Variants in MRGPRX1 observed in about 807,000 individuals in gnomAD.
MRGPRX1 encodes MAS related GPR family member X1, also known as mas-related G protein-coupled receptor member X1.
For synonymous variants in MRGPRX1, 208 were observed against 170.4 expected (o/e 1.22, Z -1.72); for missense variants, 411 against 393.8 (o/e 1.04, Z -0.37).
At chr11:18,936,816 GC>G (rs1172096137) in intron 1 of MRGPRX1, among the ~76,000 whole-genome samples, 2 of 151,506 alleles carry the variant, frequency 1.3e-5, no homozygotes, top group African/African-American at 4.8e-5. Context: ...TGAAGCCGAG[GC>G]CTAGAGAATT....
At position 18,934,956 on chromosome 11, in the gene MRGPRX1, C is replaced by G. The variant is rs538457505; in HGVS notation, c.-25-147G>C. 12 of 913,900 alleles carry G rather than the reference C, an allele frequency of 1.3e-5. No homozygotes were observed. The East Asian group carries it at 3.2e-4, about 24-fold the overall frequency. The allele number at this position is 913,900 out of a possible 1,614,324, so 56.6% of individuals were successfully genotyped here. A position where few individuals can be genotyped will look rare whatever the true frequency, so the allele number is the denominator to read the frequency against. On this transcript the variant is annotated intron_variant, in intron 1 of 1. Transcript: ENST00000526914. ...TCACCTATCAAAAGGTGGGGGTCCT[C>G]AAATCCAGTTTGAAATCCAGTTCTT...
At chr11:18,937,927 C>T (rs543520662) in intron 1 of MRGPRX1, among the ~76,000 whole-genome samples, 1 of 151,624 alleles carries the variant, frequency 6.6e-6, no homozygotes, top group East Asian at 1.9e-4. Context: ...TGAAATGAGA[C>T]AGGAATCAAT....
chr11:18,938,208 A>C (rs1848856014), intron 1 of MRGPRX1, among the ~76,000 whole-genome samples: 1 of 151,544 alleles, frequency 6.6e-6, no homozygotes, highest in Admixed American at 6.6e-5. Flanking sequence ...GTATTAGTTC[A>C]TTCTTGAATT....
At chr11:18,936,712 C>T (rs1374488641) in intron 1 of MRGPRX1, among the ~76,000 whole-genome samples, 1 of 151,510 alleles carries the variant, frequency 6.6e-6, no homozygotes, top group Admixed American at 6.6e-5. Flanking sequence ...TTCATAACGG[C>T]TAGTCATGCC....
At position 18,934,381 on chromosome 11, in the gene MRGPRX1, G is replaced by A. The variant is rs765623247; in HGVS notation, c.404C>T (p.Pro135Leu). The change falls in exon 2 of 2, where the codon CCC becomes CTC. Residue 135 changes from proline (P) to leucine (L), a missense_variant. Pro to Leu is a moderately conservative substitution (Grantham distance 98). Coordinates refer to ENST00000526914, the MANE Select transcript of MRGPRX1 (RefSeq NM_001393578.1). The part of the protein sequence containing the change: ...LWPIWYRCHR[P>L]THLSAVVCVL... ...ACACACCACCGCTGACAGGTGTGTGGGGCGGTGGCAGCGGTACCAGATGGG... is the reference window on the plus strand; with the variant it reads ...ACACACCACCGCTGACAGGTGTGTGAGGCGGTGGCAGCGGTACCAGATGGG... The A allele has an allele frequency of 5.0e-6, 8 of 1,610,872 alleles. No homozygotes were observed. The Admixed American group carries it at 1.0e-4, about 20-fold the overall frequency.
chr11:18,936,710 G>A (rs887437957), intron 1 of MRGPRX1, among the ~76,000 whole-genome samples: 3 of 151,496 alleles, frequency 2.0e-5, no homozygotes, highest in Admixed American at 6.6e-5. Context: ...GCTTCATAAC[G>A]GCTAGTCATG....
rs892152819 is a variant in MRGPRX1, at chr11:18,935,060, C to T, written c.-25-251G>A. 7.7e-6 allele frequency: 3 copies of T among 390,200 alleles called. No individual in the cohort carries two copies. The South Asian group carries it at 1.7e-4, about 23-fold the overall frequency. The allele number at this position is 390,200 out of a possible 1,614,324, so 24.2% of individuals were successfully genotyped here. A position where few individuals can be genotyped will look rare whatever the true frequency, so the allele number is the denominator to read the frequency against. On this transcript the variant is annotated intron_variant, in intron 1 of 1. Transcript: ENST00000526914. ...TGGGAATAACATTAGGATCAAAACA[C>T]CCCCACTCATCTAGCCAGGGCTGTG... is the stretch of plus-strand genomic sequence containing the variant.
At chr11:18,937,681 T>C (rs1247742543) in intron 1 of MRGPRX1, among the ~76,000 whole-genome samples, 1 of 151,538 alleles carries the variant, frequency 6.6e-6, no homozygotes, top group Non-Finnish European at 1.5e-5. Context: ...TGTGGGTTGT[T>C]GAATCTGCAG....
At chr11:18,937,892 G>T (rs76339516) in intron 1 of MRGPRX1, among the ~76,000 whole-genome samples, 2 of 151,548 alleles carry the variant, frequency 1.3e-5, no homozygotes, top group Non-Finnish European at 2.9e-5. Flanking sequence ...AAGACATGCC[G>T]AACATTAAAG....
chr11:18,938,665 C>T (rs191239220), intron 1 of MRGPRX1, among the ~76,000 whole-genome samples: 81 of 151,612 alleles, frequency 5.3e-4, no homozygotes, highest in Non-Finnish European at 8.8e-4. Flanking sequence ...CCTGCTGGAG[C>T]TCTACCACCC....
chr11:18,937,192 C>T lies in MRGPRX1; in HGVS notation c.-26+2088G>A, dbSNP rs12291842. 6.8e-3 allele frequency among the ~76,000 whole-genome samples: 1,036 copies of T among 151,412 alleles called. 25 individuals carry two copies. Among genetic ancestry groups the T allele is most frequent in the African/African-American group, 0.023 (948 of 41,290 alleles). On this transcript the variant is annotated intron_variant, in intron 1 of 1. Transcript: ENST00000526914. ...CTCACAGGACCAATAGCAGGAGCAA[C>T]GCATCTCCTTTCCTTATTTTTTTTC... is the stretch of plus-strand genomic sequence containing the variant.
chr11:18,935,940 G>T (rs1848837372), intron 1 of MRGPRX1, among the ~76,000 whole-genome samples: 1 of 151,490 alleles, frequency 6.6e-6, no homozygotes, highest in South Asian at 2.1e-4. Flanking sequence ...AGTATAAAGA[G>T]AGATATTCAT....
intron 1 of MRGPRX1, among the ~76,000 whole-genome samples, chr11:18,937,714 G>A (rs1848851986): frequency 6.6e-6 from 1 of 151,472 alleles, no homozygotes; most frequent in Non-Finnish European, 1.5e-5. Context: ...GTGACCCAGA[G>A]GCACCACTGT....
chr11:18,938,178 C>T (rs1848855800), intron 1 of MRGPRX1, among the ~76,000 whole-genome samples: 1 of 151,550 alleles, frequency 6.6e-6, no homozygotes. Context: ...GGGATTTCCA[C>T]CTCCTGGCTC....
intron 1 of MRGPRX1, among the ~76,000 whole-genome samples, chr11:18,937,762 T>C (rs554119639): frequency 2.0e-5 from 3 of 151,532 alleles, no homozygotes; most frequent in Non-Finnish European, 4.4e-5. Flanking sequence ...TGTGTCTTTA[T>C]GAGAGGGGTC....
intron 1 of MRGPRX1, among the ~76,000 whole-genome samples, chr11:18,936,735 T>C (rs1015010211): frequency 6.6e-6 from 1 of 151,542 alleles, no homozygotes; most frequent in African/African-American, 2.4e-5. Context: ...TCTTTTCCAC[T>C]GTGGTATCAC....
intron 1 of MRGPRX1, 28 bp from the exon 2 acceptor site, chr11:18,934,837 C>T: frequency 6.6e-7 from 1 of 1,516,508 alleles, no homozygotes; most frequent in East Asian, 2.3e-5. Context: ...TTGTGATCAC[C>T]AGCTGTATGA....
rs564816844 is a variant in MRGPRX1 at position 18,935,859 on chromosome 11, G to A, written c.-25-1050C>T. On this transcript the variant is annotated intron_variant, in intron 1 of 1. Coordinates refer to ENST00000526914, the MANE Select transcript of MRGPRX1 (RefSeq NM_001393578.1). ...CTTTCTTTCAGGAGATCTTTGGTTC[G>A]TTTCTTTGTTGATGCAAACATTTGT... Among the ~76,000 whole-genome samples, 9 of 151,508 alleles carry A rather than the reference G, an allele frequency of 5.9e-5. 1 individual carries two copies. In the East Asian group the frequency reaches 7.8e-4, roughly 13 times the overall value.
chr11:18,935,736 G>A (rs1848835374), intron 1 of MRGPRX1, among the ~76,000 whole-genome samples: 1 of 151,430 alleles, frequency 6.6e-6, no homozygotes, highest in South Asian at 2.1e-4. Flanking sequence ...GTGAGGGTGA[G>A]CCTGAGTGCC....
Sources: allele counts gnomAD v4.1 joint callset (sites outside exome capture counted in the v4.1 genomes callset), GRCh38; gene constraint gnomAD v4.1.1; transcripts MANE v1.5; gene names NCBI Gene and HGNC (gene_info 2026-07-23, HGNC 2026-07-21).